Variants in PDE8B observed in about 807,000 individuals in gnomAD.
PDE8B encodes the protein high affinity cAMP-specific and IBMX-insensitive 3',5'-cyclic phosphodiesterase 8B.
Under a neutral mutation model 101.3 loss-of-function variants are expected in PDE8B, and 26 were observed. The ratio of observed to expected loss-of-function variants is 0.26; its 90% CI spans 0.19 to 0.36. The LOEUF is 0.36. PDE8B is among the 10% of genes least tolerant of loss of function. The pLI is 1.00. For synonymous variants in PDE8B, 424 were observed against 429.3 expected (o/e 0.99, Z 0.15); for missense variants, 810 against 1,163.1 (o/e 0.70, Z 4.42).
chr5:77,087,253 C>T, the PDE8B span: 1 of 152,486 alleles, frequency 6.6e-6, no homozygotes, highest in African/African-American at 2.4e-5. Flanking sequence ...GCTGCATTCA[C>T]ACGTCTGCGG....
At chr5:77,138,275 C>T in the PDE8B span, among the ~76,000 whole-genome samples, 1 of 151,936 alleles carries the variant, frequency 6.6e-6, no homozygotes, top group African/African-American at 2.4e-5. Flanking sequence ...TGTCCCCACC[C>T]TTCCCTACAC....
Position 77,248,216 on chromosome 5 carries a change from G to A in PDE8B, c.339+36952G>A, listed in dbSNP as rs568246360. ...TGGACTGCAAGCTCGATGAGGGCAG[G>A]GGCTATTGCATGTTTATTCACTGTT... On this transcript the variant is annotated intron_variant, in intron 1 of 21. Coordinates refer to ENST00000264917, the MANE Select transcript of PDE8B (RefSeq NM_003719.5). 3.9e-5 allele frequency among the ~76,000 whole-genome samples: 6 copies of A among 152,330 alleles called. No individual in the cohort carries two copies. In the East Asian group the frequency reaches 1.2e-3, roughly 29 times the overall value.
intron 1 of PDE8B, among the ~76,000 whole-genome samples, chr5:77,249,445 A>G (rs1757610645): frequency 1.3e-5 from 2 of 152,222 alleles, no homozygotes; most frequent in Non-Finnish European, 2.9e-5. Flanking sequence ...CTTTTGGACA[A>G]GACTGTGTAG....
chr5:77,346,471 T>A (rs1316327774), intron 7 of PDE8B, among the ~76,000 whole-genome samples: 3 of 152,338 alleles, frequency 2.0e-5, no homozygotes, highest in Admixed American at 6.5e-5. Context: ...CCCCTCCACC[T>A]GTAATCTAAC....
At chr5:77,106,504 A>C in the PDE8B span, among the ~76,000 whole-genome samples, 461 of 152,318 alleles carry the variant, frequency 3.0e-3, 1 homozygote, top group African/African-American at 0.011. Flanking sequence ...CATTGATCGC[A>C]TATCTATGTT....
chr5:77,147,249 G>T, the PDE8B span: 1 of 283,094 alleles, frequency 3.5e-6, no homozygotes, highest in Non-Finnish European at 7.1e-6. Context: ...AAGACATTGA[G>T]ATGTAAGGCT....
At chr5:77,150,433 T>C in the PDE8B span, among the ~76,000 whole-genome samples, 1 of 152,160 alleles carries the variant, frequency 6.6e-6, no homozygotes, top group Non-Finnish European at 1.5e-5. Flanking sequence ...CCCTTCCTCT[T>C]TCCCTTCACT....
chr5:77,270,314 G>C (rs1273561664), intron 1 of PDE8B, among the ~76,000 whole-genome samples: 1 of 152,200 alleles, frequency 6.6e-6, no homozygotes, highest in Non-Finnish European at 1.5e-5. Flanking sequence ...TTTGTATCCT[G>C]TAACTTTACT....
At chr5:77,262,636 A>T (rs1279042814) in intron 1 of PDE8B, among the ~76,000 whole-genome samples, 1 of 152,156 alleles carries the variant, frequency 6.6e-6, no homozygotes, top group Non-Finnish European at 1.5e-5. Flanking sequence ...TTGACTTGGC[A>T]CCTTGATTAT....
intron 9 of PDE8B, among the ~76,000 whole-genome samples, chr5:77,351,960 C>T (rs566967982): frequency 3.9e-5 from 6 of 152,290 alleles, no homozygotes; most frequent in African/African-American, 4.8e-5. Context: ...GAATAGAAAA[C>T]GAGATGTTTC....
At chr5:77,287,010 T>C (rs1766151540) in intron 1 of PDE8B, among the ~76,000 whole-genome samples, 1 of 152,240 alleles carries the variant, frequency 6.6e-6, no homozygotes, top group Admixed American at 6.5e-5. Flanking sequence ...TTTAATTCTA[T>C]GTATTTTTAA....
In PDE8B at chr5:77,281,661, G is replaced by A. The variant is rs143049141; in HGVS notation, c.340-30333G>A. On this transcript the variant is annotated intron_variant, in intron 1 of 21. Coordinates refer to ENST00000264917, the MANE Select transcript of PDE8B (RefSeq NM_003719.5). ...GATTAGAGGTAGGCCCCCCACCCCA[G>A]TAATCCAAAATGATCTTTCCACCTT... 1.7e-3 allele frequency among the ~76,000 whole-genome samples: 264 copies of A among 152,244 alleles called. 1 individual carries two copies. Among genetic ancestry groups the A allele is most frequent in the African/African-American group, 5.6e-3 (231 of 41,546 alleles).
intron 1 of PDE8B, among the ~76,000 whole-genome samples, chr5:77,300,908 A>C (rs1026811594): frequency 1.3e-5 from 2 of 152,224 alleles, no homozygotes; most frequent in African/African-American, 4.8e-5. Flanking sequence ...CTTTTCAAAA[A>C]AGTGGGCATT....
rs1748400460 is a variant in PDE8B at position 77,211,501 on chromosome 5, C to T, written c.339+237C>T. On this transcript the variant is annotated intron_variant, in intron 1 of 21. Transcript: ENST00000264917. The surrounding 1 kb of genome is among the most constrained non-coding windows in gnomAD (Gnocchi z 4.1). ...CCTTAGCTGGTCCTGGGGGACTGGG[C>T]GGGGAAGGGAGCGCAGAAGGAAGCA... Among the ~76,000 whole-genome samples, 1 of 152,048 alleles carries T rather than the reference C, an allele frequency of 6.6e-6. No individual in the cohort carries two copies. The highest frequency in any genetic ancestry group is 1.5e-5 in the Non-Finnish European group (1 of 67,996).
At chr5:77,132,606 G>A in the PDE8B span, among the ~76,000 whole-genome samples, 4 of 152,152 alleles carry the variant, frequency 2.6e-5, no homozygotes, top group South Asian at 4.2e-4. Context: ...AATTCCCCAC[G>A]CTGCAGAGAG....
At chr5:77,259,806 C>G (rs1760091698) in intron 1 of PDE8B, among the ~76,000 whole-genome samples, 1 of 152,206 alleles carries the variant, frequency 6.6e-6, no homozygotes, top group Admixed American at 6.5e-5. Flanking sequence ...AGTGTGGGAT[C>G]TTTATTTCAG....
intron 10 of PDE8B, among the ~76,000 whole-genome samples, chr5:77,393,546 G>A (rs1790400861): frequency 6.6e-6 from 1 of 152,112 alleles, no homozygotes; most frequent in Non-Finnish European, 1.5e-5. Context: ...AAAAATTACA[G>A]GACCAATTTA....
chr5:77,271,173 C>G (rs1580709751), intron 1 of PDE8B, among the ~76,000 whole-genome samples: 1 of 152,326 alleles, frequency 6.6e-6, no homozygotes, highest in African/African-American at 2.4e-5. Context: ...TATAAAAGAC[C>G]ATAAGATCTC....
intron 1 of PDE8B, among the ~76,000 whole-genome samples, chr5:77,228,370 C>A (rs958059850): frequency 3.3e-5 from 5 of 152,118 alleles, no homozygotes; most frequent in African/African-American, 1.2e-4. Flanking sequence ...GTGTTGGAAC[C>A]TGCCTGTCCT....
Sources: gnomAD v4.1 joint callset for allele counts (sites outside exome capture counted in the v4.1 genomes callset) on GRCh38, gnomAD v4.1.1 for gene constraint, Gnocchi (gnomAD v3.1) non-coding constraint, MANE v1.5 for transcripts, NCBI Gene and HGNC (gene_info 2026-07-23, HGNC 2026-07-21) for gene names.